Variants in ERLEC1 observed in about 807,000 individuals in gnomAD.
The protein encoded by ERLEC1 is ER lectin.
ERLEC1 carries 47 observed loss-of-function variants against 68.0 expected under a neutral mutation model. The observed-to-expected ratio is 0.69, with a 90% CI of 0.55 to 0.88. The LOEUF (loss-of-function observed/expected upper bound fraction) is 0.88. ERLEC1 is among the 40% of genes least tolerant of loss of function. The probability of loss-of-function intolerance (pLI) is 0.00; values close to 1 mark genes in which losing one functional copy is unlikely to be tolerated. For synonymous variants in ERLEC1, 225 were observed against 203.2 expected, an observed-to-expected ratio of 1.11 and a Z score of -0.91; for missense variants, 567 against 583.8, an observed-to-expected ratio of 0.97 and a Z score of 0.30.
rs201590309 is a variant in ERLEC1 at position 53,808,372 on chromosome 2, T to C, written c.953T>C (p.Val318Ala). 6.2e-7 allele frequency: 1 copy of C among 1,614,200 alleles called. No homozygotes were observed. Among genetic ancestry groups the C allele is most frequent in the East Asian group, 2.2e-5 (1 of 44,882 alleles). The change falls in exon 9 of 14, where the codon GTG becomes GCG. Residue 318 changes from valine to alanine, a missense_variant. Physicochemically the swap from Val to Ala is moderately conservative, Grantham distance 64 (BLOSUM62 0). Coordinates refer to ENST00000185150, the MANE Select transcript of ERLEC1 (RefSeq NM_015701.5). ...TCGATTGCTATTGGCTCTCAGCCAGTGCTCACTGTTGGGACAACCCACATA... is the reference window on the plus strand; with the variant it reads ...TCGATTGCTATTGGCTCTCAGCCAGCGCTCACTGTTGGGACAACCCACATA... ...HKSIAIGSQP[V>A]LTVGTTHISK...
At chr2:53,798,797 C>A (rs1421945715) in intron 5 of ERLEC1, among the ~76,000 whole-genome samples, 1 of 151,712 alleles carries the variant, frequency 6.6e-6, no homozygotes, top group African/African-American at 2.4e-5. Context: ...GATAAAAATA[C>A]CTCGAAAGAA....
chr2:53,808,054 G>C (rs1015195053), intron 8 of ERLEC1, among the ~76,000 whole-genome samples: 3 of 151,796 alleles, frequency 2.0e-5, no homozygotes, highest in African/African-American at 7.3e-5. Flanking sequence ...ATGAGACAAA[G>C]TATATGAAAT....
At position 53,787,380 on chromosome 2, in the gene ERLEC1, C is replaced by T. The variant is rs760303414; in HGVS notation, c.162+8C>T. 5.6e-6 allele frequency: 9 copies of T among 1,600,014 alleles called. No individual in the cohort carries two copies. Among genetic ancestry groups the T allele is most frequent in the East Asian group, 2.2e-5 (1 of 44,616 alleles). ...GGCACCGAGTTCTCTCTGGTCAGTGCCCTCACTAACCCCGCAGCCACCCCT... is the reference window on the plus strand; with the variant it reads ...GGCACCGAGTTCTCTCTGGTCAGTGTCCTCACTAACCCCGCAGCCACCCCT... On this transcript the variant is annotated splice_region_variant and intron_variant, in intron 1 of 13. Coordinates refer to ENST00000185150, the MANE Select transcript of ERLEC1 (RefSeq NM_015701.5).
chr2:53,794,883 G>A (rs1675605211), intron 2 of ERLEC1, among the ~76,000 whole-genome samples: 1 of 152,046 alleles, frequency 6.6e-6, no homozygotes, highest in Admixed American at 6.6e-5. Flanking sequence ...TCGATTTCTT[G>A]ACCTCATGAT....
chr2:53,802,636 A>G (rs1676065363), intron 8 of ERLEC1, among the ~76,000 whole-genome samples: 1 of 152,198 alleles, frequency 6.6e-6, no homozygotes, highest in African/African-American at 2.4e-5. Flanking sequence ...ACATCTCAGG[A>G]TAGAATCATC....
At chr2:53,796,736 G>A (rs775778244) in intron 3 of ERLEC1, among the ~76,000 whole-genome samples, 7 of 151,962 alleles carry the variant, frequency 4.6e-5, no homozygotes, top group Non-Finnish European at 7.4e-5. Flanking sequence ...AGGCGTGAGC[G>A]ACTGTGCCCA....
intron 3 of ERLEC1, among the ~76,000 whole-genome samples, chr2:53,796,736 G>C (rs775778244): frequency 6.6e-6 from 1 of 151,962 alleles, no homozygotes; most frequent in Non-Finnish European, 1.5e-5. Flanking sequence ...AGGCGTGAGC[G>C]ACTGTGCCCA....
At chr2:53,797,628 A>T in intron 4 of ERLEC1, 36 bp downstream of exon 4, 1 of 1,586,362 alleles carries the variant, frequency 6.3e-7, no homozygotes, top group Non-Finnish European at 8.6e-7. Context: ...ATGAAACATT[A>T]TAAGATGAGA....
intron 4 of ERLEC1, 43 bp downstream of exon 4, chr2:53,797,635 G>C (rs775386885): frequency 6.4e-7 from 1 of 1,570,798 alleles, no homozygotes; most frequent in South Asian, 1.1e-5. Context: ...ATTATAAGAT[G>C]AGAACTTTAA....
chr2:53,812,699 G>C (rs1676654447), intron 10 of ERLEC1, among the ~76,000 whole-genome samples: 1 of 152,078 alleles, frequency 6.6e-6, no homozygotes, highest in Non-Finnish European at 1.5e-5. Flanking sequence ...AAAAGAGATA[G>C]AAGAGCCGAA....
chr2:53,807,806 A>G (rs1038639234), intron 8 of ERLEC1, among the ~76,000 whole-genome samples: 15 of 152,012 alleles, frequency 9.9e-5, no homozygotes, highest in Non-Finnish European at 2.1e-4. Flanking sequence ...CAGTATGAGA[A>G]CAGCCTGGCC....
At chr2:53,801,277 A>G in intron 6 of ERLEC1, 120 bp from the exon 7 acceptor site, 1 of 641,622 alleles carries the variant, frequency 1.6e-6, no homozygotes, top group South Asian at 2.2e-5. Flanking sequence ...TAGAAGTGTT[A>G]CCTTTCAGTT....
At chr2:53,805,376 CT>C (rs1676235915) in intron 8 of ERLEC1, among the ~76,000 whole-genome samples, 1 of 151,924 alleles carries the variant, frequency 6.6e-6, no homozygotes, top group Non-Finnish European at 1.5e-5. Context: ...TATATGTACC[CT>C]TTTTTTAATT....
In ERLEC1 at chr2:53,794,328, T is replaced by C; in HGVS notation, c.163-17T>C. On this transcript the variant is annotated splice_polypyrimidine_tract_variant and intron_variant, in intron 1 of 13. Transcript: ENST00000185150. ...TTTCACGGAGAACATAATGTATGTTTTTTCTTCTATTTGCAGCCCACAACT... is the reference window on the plus strand; with the variant it reads ...TTTCACGGAGAACATAATGTATGTTCTTTCTTCTATTTGCAGCCCACAACT... 8.2e-7 allele frequency: 1 copy of C among 1,216,656 alleles called. No homozygotes were observed. Among genetic ancestry groups the C allele is most frequent in the Non-Finnish European group, 1.2e-6 (1 of 853,706 alleles). The allele number at this position is 1,216,656 out of a possible 1,614,324, so 75.4% of individuals were successfully genotyped here. A position where few individuals can be genotyped will look rare whatever the true frequency, so the allele number is the denominator to read the frequency against.
intron 11 of ERLEC1, among the ~76,000 whole-genome samples, chr2:53,813,708 A>G (rs1676711584): frequency 1.3e-5 from 2 of 152,086 alleles, no homozygotes; most frequent in Admixed American, 6.6e-5. Context: ...TTTCCTTCCT[A>G]AAACAGATGA....
chr2:53,789,387 CTGTCTCAAAAAAAAAA>C lies in ERLEC1; in HGVS notation c.162+2016_162+2031del, dbSNP rs1011851778. On this transcript the variant is annotated intron_variant, in intron 1 of 13. Coordinates refer to ENST00000185150, the MANE Select transcript of ERLEC1 (RefSeq NM_015701.5). ...CCAGCCTGGGTGACAGAGTGAGACT[CTGTCTCAAAAAAAAAA>C]AAAAAAAAAAAAATTCTTTTTTTAG... is the stretch of plus-strand genomic sequence containing the variant. Among the ~76,000 whole-genome samples the C allele has an allele frequency of 3.4e-4, 38 of 112,770 alleles. 1 individual carries two copies. The Admixed American group carries it at 3.8e-3, about 11-fold the overall frequency. 74.0% of individuals were successfully genotyped at this position (112,770 alleles called of 152,430 possible).
At position 53,809,236 on chromosome 2, in the gene ERLEC1, A is replaced by T. The variant is rs1397267833; in HGVS notation, c.1064A>T (p.Glu355Val). Reference sequence around the variant, plus strand: ...TAGGGTGTCGGTTGGTGGAAATATGAATTCTGCTATGGCAAACATGTACAT... The same window carrying T: ...TAGGGTGTCGGTTGGTGGAAATATGTATTCTGCTATGGCAAACATGTACAT... ...FRGGVGWWKY[E>V]FCYGKHVHQY... is the part of the protein sequence containing the mutation. Residue 355 changes from glutamate (E) to valine (V), a missense_variant, in exon 10 of 14, where the codon GAA becomes GTA. Physicochemically the swap from Glu to Val is moderately radical, Grantham distance 121. Coordinates refer to ENST00000185150, the MANE Select transcript of ERLEC1 (RefSeq NM_015701.5). The T allele has an allele frequency of 1.3e-6, 2 of 1,582,924 alleles. No homozygotes were observed.
At chr2:53,804,757 G>C (rs1394540744) in intron 8 of ERLEC1, among the ~76,000 whole-genome samples, 1 of 151,964 alleles carries the variant, frequency 6.6e-6, no homozygotes, top group African/African-American at 2.4e-5. Flanking sequence ...TTCATTCTAA[G>C]AGGTTTTTTT....
chr2:53,787,749 A>T (rs1319786672), intron 1 of ERLEC1: 1 of 187,674 alleles, frequency 5.3e-6, no homozygotes, highest in Non-Finnish European at 1.1e-5. Context: ...TCTTTCCTTC[A>T]GTATTACATG....
Sources: allele counts gnomAD v4.1 joint callset (sites outside exome capture counted in the v4.1 genomes callset), GRCh38; gene constraint gnomAD v4.1.1; transcripts MANE v1.5; gene names NCBI Gene and HGNC (gene_info 2026-07-23, HGNC 2026-07-21).